MMP16: variants seen among roughly 807,000 people sequenced by gnomAD.
MMP16 encodes matrix metalloproteinase-16.
MMP16 carries 12 observed loss-of-function variants against 67.8 expected under a neutral mutation model. The ratio of observed to expected loss-of-function variants is 0.18; its 90% CI spans 0.11 to 0.29. The LOEUF (loss-of-function observed/expected upper bound fraction) is 0.29. Among genes scored for constraint, MMP16 ranks in the 10% least tolerant of loss-of-function variants. The pLI, the probability that MMP16 is intolerant of heterozygous loss-of-function variation, is 1.00. For synonymous variants in MMP16, 249 were observed against 255.9 expected, an observed-to-expected ratio of 0.97 and a Z score of 0.26; for missense variants, 475 against 765.7, an observed-to-expected ratio of 0.62 and a Z score of 4.48.
intron 6 of MMP16, among the ~76,000 whole-genome samples, chr8:88,092,369 C>T (rs1808952468): frequency 6.6e-6 from 1 of 151,814 alleles, no homozygotes; most frequent in African/African-American, 2.4e-5. Context: ...AAAATGTCAC[C>T]ACTTCAGAAA....
chr8:88,163,750 G>C (rs1563551021), intron 4 of MMP16, among the ~76,000 whole-genome samples: 1 of 152,000 alleles, frequency 6.6e-6, no homozygotes, highest in Non-Finnish European at 1.5e-5. Context: ...TTAACATTTT[G>C]CTGGACTTAA....
chr8:88,047,567 C>G (rs543903805), intron 8 of MMP16, among the ~76,000 whole-genome samples: 2 of 152,166 alleles, frequency 1.3e-5, no homozygotes, highest in Non-Finnish European at 2.9e-5. Context: ...GAAGAACATT[C>G]CAGGCAGAGA....
chr8:88,068,586 G>C (rs1808493478), intron 7 of MMP16, among the ~76,000 whole-genome samples: 1 of 151,694 alleles, frequency 6.6e-6, no homozygotes, highest in African/African-American at 2.4e-5. Context: ...TTGGAGGTTT[G>C]TTTTGTTTTG....
intron 4 of MMP16, among the ~76,000 whole-genome samples, chr8:88,142,754 T>C (rs1808233329): frequency 6.6e-6 from 1 of 152,130 alleles, no homozygotes; most frequent in South Asian, 2.1e-4. Flanking sequence ...GATTGTCATA[T>C]TTAACTTGTT....
intron 6 of MMP16, among the ~76,000 whole-genome samples, chr8:88,108,759 T>C (rs74776347): frequency 0.014 from 2,167 of 151,536 alleles, 37 homozygotes; most frequent in African/African-American, 0.045. Context: ...GAAGTTATGA[T>C]TGGAATAATT....
At chr8:88,264,031 CACATATAT>C (rs764397967) in intron 1 of MMP16, among the ~76,000 whole-genome samples, 3,493 of 40,332 alleles carry the variant, frequency 0.087, 71 homozygotes, top group South Asian at 0.18. Flanking sequence ...ACAAAAATGG[CACATATAT>C]ATATATATAT....
chr8:88,243,769 T>C (rs1353798859), intron 1 of MMP16, among the ~76,000 whole-genome samples: 3 of 152,166 alleles, frequency 2.0e-5, no homozygotes, highest in African/African-American at 4.8e-5. Context: ...GTTAACATAA[T>C]GTATGACACC....
intron 1 of MMP16, among the ~76,000 whole-genome samples, chr8:88,277,213 G>A (rs1013655943): frequency 6.6e-6 from 1 of 152,034 alleles, no homozygotes; most frequent in South Asian, 2.1e-4. Flanking sequence ...TTGGAATTCC[G>A]AATATGGGCA....
At chr8:88,077,615 T>C (rs572051389) in intron 6 of MMP16, among the ~76,000 whole-genome samples, 71 of 152,152 alleles carry the variant, frequency 4.7e-4, no homozygotes, top group Non-Finnish European at 8.8e-4. Flanking sequence ...GTCCCCTATT[T>C]CCAGAAAAGG....
chr8:88,299,868 A>AC (rs1479346728), intron 1 of MMP16, among the ~76,000 whole-genome samples: 1 of 152,196 alleles, frequency 6.6e-6, no homozygotes, highest in African/African-American at 2.4e-5. Flanking sequence ...TTCCTATACT[A>AC]ATTTCATGCC....
At chr8:88,284,688 T>G (rs907653946) in intron 1 of MMP16, among the ~76,000 whole-genome samples, 2 of 152,198 alleles carry the variant, frequency 1.3e-5, no homozygotes, top group African/African-American at 4.8e-5. Context: ...TTACTCACCA[T>G]GTACACATTC....
chr8:88,215,191 G>A lies in MMP16; in HGVS notation c.133-17885C>T, dbSNP rs201168708. Reference sequence around the variant, plus strand: ...ACACACACAAAAAAATTAGCTGGGCGTGGTGGTGGGCACCTGTAATCCCAG... The same window carrying A: ...ACACACACAAAAAAATTAGCTGGGCATGGTGGTGGGCACCTGTAATCCCAG... On this transcript the variant is annotated intron_variant, in intron 1 of 9. Coordinates refer to ENST00000286614, the MANE Select transcript of MMP16 (RefSeq NM_005941.5). Among the ~76,000 whole-genome samples the A allele has an allele frequency of 1.3e-4, 20 of 152,088 alleles. No homozygotes were observed. The East Asian group carries it at 2.1e-3, about 16-fold the overall frequency.
rs59310737 is a variant in MMP16 at position 88,184,563 on chromosome 8, G to GAAAAAAAAAAAA, written c.404+1901_404+1912dup. On this transcript the variant is annotated intron_variant, in intron 3 of 9. Transcript: ENST00000286614. ...GGGCAAATGGTAAAACTCTCTCTCT[G>GAAAAAAAAAAAA]AAAAAAAAAAAAAAAAAAAAAAAAA... is the stretch of plus-strand genomic sequence containing the variant. Among the ~76,000 whole-genome samples the GAAAAAAAAAAAA allele has an allele frequency of 2.7e-4, 3 of 10,930 alleles. 1 individual carries two copies. Among genetic ancestry groups the GAAAAAAAAAAAA allele is most frequent in the Non-Finnish European group, 4.0e-4 (3 of 7,576 alleles). 7.2% of individuals were successfully genotyped at this position (10,930 alleles called of 152,430 possible).
At chr8:88,169,916 A>T (rs146791965) in intron 3 of MMP16, among the ~76,000 whole-genome samples, 1 of 152,298 alleles carries the variant, frequency 6.6e-6, no homozygotes, top group African/African-American at 2.4e-5. Flanking sequence ...ATGACATTTG[A>T]CTTATGATTT....
chr8:88,188,327 T>C (rs980675498), intron 2 of MMP16, among the ~76,000 whole-genome samples: 6 of 152,206 alleles, frequency 3.9e-5, no homozygotes, highest in Admixed American at 2.6e-4. Flanking sequence ...TCTTTACTTA[T>C]CTCATTGAAA....
At chr8:88,305,347 G>C (rs1180414982) in intron 1 of MMP16, among the ~76,000 whole-genome samples, 1 of 152,172 alleles carries the variant, frequency 6.6e-6, no homozygotes, top group Admixed American at 6.5e-5. Flanking sequence ...GCAATAGTGG[G>C]AGACATTAAT....
intron 6 of MMP16, among the ~76,000 whole-genome samples, chr8:88,076,079 G>T (rs1378229355): frequency 6.6e-6 from 1 of 151,334 alleles, no homozygotes; most frequent in African/African-American, 2.4e-5. Context: ...TTTAATAGTT[G>T]AACTTTGTTG....
chr8:88,192,440 T>C (rs1053135556), intron 2 of MMP16, among the ~76,000 whole-genome samples: 3 of 152,196 alleles, frequency 2.0e-5, no homozygotes, highest in African/African-American at 7.2e-5. Context: ...AACCAATTCT[T>C]TCAACTTTTT....
intron 5 of MMP16, 96 bp downstream of exon 5, chr8:88,118,604 G>T: frequency 1.7e-6 from 2 of 1,150,580 alleles, no homozygotes; most frequent in Non-Finnish European, 2.5e-6. Context: ...GTAGTCATCT[G>T]TGTTATACTT....
Sources: gnomAD v4.1 joint callset for allele counts (sites outside exome capture counted in the v4.1 genomes callset) on GRCh38, gnomAD v4.1.1 for gene constraint, MANE v1.5 for transcripts, NCBI Gene and HGNC (gene_info 2026-07-23, HGNC 2026-07-21) for gene names.